The following EOMES variants were observed in gnomAD, a reference collection of about 807,000 sequenced individuals.
EOMES encodes the protein eomesodermin.
Under a neutral mutation model 61.0 loss-of-function variants are expected in EOMES, and 18 were observed. The ratio of observed to expected loss-of-function variants is 0.30; its 90% CI spans 0.20 to 0.44. EOMES has a LOEUF of 0.44. EOMES is among the 20% of genes least tolerant of loss of function. EOMES has a pLI of 1.00. For missense variants in EOMES, 885 were observed against 939.2 expected, an observed-to-expected ratio of 0.94 and a Z score of 0.75; for synonymous variants, 430 against 394.0, an observed-to-expected ratio of 1.09 and a Z score of -1.08.
In EOMES at chr3:27,717,200, C is replaced by T. The variant is rs775584075; in HGVS notation, c.1988G>A (p.Arg663Gln). ...GVYTSACKRRRLSPSNSSNEN... is the reference protein window; with the variant it reads ...GVYTSACKRRQLSPSNSSNEN... The stretch of plus-strand genomic sequence containing the variant: ...ATTACTGGAGTTGCTAGGAGACAGC[C>T]GCCTTCGCTTACAAGCACTGGTGTA... The change falls in exon 6 of 6, where the codon CGG (arginine) becomes CAG (glutamine). Residue 663 changes from arginine to glutamine, a missense_variant. Physicochemically the swap from Arg to Gln is conservative, Grantham distance 43 (BLOSUM62 1). Around this residue, in one of 3 missense-constraint regions of EOMES, gnomAD observed 259 missense variants for 282.3 expected, o/e 0.92. Coordinates refer to ENST00000449599, the MANE Select transcript of EOMES (RefSeq NM_001278182.2). The surrounding 1 kb of genome is among the most constrained non-coding windows in gnomAD (Gnocchi z 4.5). 1.7e-5 allele frequency: 28 copies of T among 1,614,110 alleles called. No individual in the cohort carries two copies. In the Middle Eastern group the frequency reaches 4.9e-4, roughly 29 times the overall value.
rs1190538291 is a variant in EOMES, at chr3:27,716,467, C to T, written c.*603G>A. On this transcript the variant is annotated 3_prime_UTR_variant, in exon 6 of 6. Coordinates refer to ENST00000449599, the MANE Select transcript of EOMES (RefSeq NM_001278182.2). ...AGCACACAGCAGAGGCCTAGCAAGT[C>T]TCAAGTGAGGCAATCCTGGACTAGG... 6.9e-6 allele frequency: 1 copy of T among 145,700 alleles called. No individual in the cohort carries two copies. The highest frequency in any genetic ancestry group is 1.5e-5 in the Non-Finnish European group (1 of 67,958). 9.0% of individuals were successfully genotyped at this position (145,700 alleles called of 1,614,324 possible).
At chr3:27,722,489 C>A, upstream of EOMES, 1 of 1,350,014 alleles carries the variant, frequency 7.4e-7, no homozygotes, top group Non-Finnish European at 9.4e-7. Flanking sequence ...GCGTCCTTTC[C>A]GGAAGGAAAG....
At position 27,720,728 on chromosome 3, in the gene EOMES, G is replaced by C. The variant is rs186320455; in HGVS notation, c.882-403C>G. Among the ~76,000 whole-genome samples the C allele has an allele frequency of 2.6e-5, 4 of 152,192 alleles. No homozygotes were observed. In the East Asian group the frequency reaches 7.7e-4, roughly 29 times the overall value. On this transcript the variant is annotated intron_variant, in intron 1 of 5. Transcript: ENST00000449599. ...GAAAAGTACCAGAGAACAATATTAG[G>C]TTATTCTTGTTAAAAATATATATTA...
Position 27,722,078 on chromosome 3 carries a change from C to G in EOMES, c.217G>C (p.Ala73Pro). 1.3e-6 allele frequency: 2 copies of G among 1,547,868 alleles called. No individual in the cohort carries two copies. Among genetic ancestry groups the G allele is most frequent in the Non-Finnish European group, 1.7e-6 (2 of 1,146,028 alleles). Residue 73 changes from alanine to proline, a missense_variant, in exon 1 of 6, where the codon GCA (alanine) becomes CCA (proline). By Grantham distance (27) the Ala-to-Pro change is conservative. This residue lies in a region of EOMES where 449 missense variants were observed against 383.6 expected (regional missense o/e 1.17). Coordinates refer to ENST00000449599, the MANE Select transcript of EOMES (RefSeq NM_001278182.2). ...AVSGEPAAAS[A>P]GAPAAMLSDT... Reference sequence around the variant, plus strand: ...CTAAGCATGGCCGCGGGGGCCCCTGCGCTGGCGGCTGCGGGCTCCCCGCTC... The same window carrying G: ...CTAAGCATGGCCGCGGGGGCCCCTGGGCTGGCGGCTGCGGGCTCCCCGCTC...
upstream of EOMES, chr3:27,722,499 G>A: frequency 5.9e-6 from 8 of 1,351,616 alleles, no homozygotes; most frequent in South Asian, 1.9e-5. Flanking sequence ...CGGAAGGAAA[G>A]CGCCGTGAGT....
At position 27,717,286 on chromosome 3, in the gene EOMES, G is replaced by A; in HGVS notation, c.1902C>T (p.Gly634=). 6.2e-7 allele frequency: 1 copy of A among 1,614,082 alleles called. No individual in the cohort carries two copies. Among genetic ancestry groups the A allele is most frequent in the Non-Finnish European group, 8.5e-7 (1 of 1,179,942 alleles). ...LSKEKVKEEI[G]SSWIETPPSI... The stretch of plus-strand genomic sequence containing the variant: ...AAGGGGGTGTCTCTATCCAAGAAGA[G>A]CCAATTTCCTCTTTCACTTTCTCCT... Residue 634 remains glycine, a synonymous_variant, in exon 6 of 6, where the codon GGC becomes GGT. Coordinates refer to ENST00000449599, the MANE Select transcript of EOMES (RefSeq NM_001278182.2). The surrounding 1 kb of genome is among the most constrained non-coding windows in gnomAD (Gnocchi z 4.5).
Position 27,717,665 on chromosome 3 carries a change from T to C in EOMES, c.1523A>G (p.Tyr508Cys), listed in dbSNP as rs774755939. The C allele has an allele frequency of 1.9e-6, 3 of 1,614,044 alleles. No homozygotes were observed. In the Admixed American group the frequency reaches 5.0e-5, roughly 27 times the overall value. The change falls in exon 6 of 6, where the codon TAT (tyrosine) becomes TGT (cysteine). Residue 508 changes from tyrosine to cysteine, a missense_variant. Physicochemically the swap from Tyr to Cys is radical, Grantham distance 194 (BLOSUM62 -2). Transcript: ENST00000449599. The surrounding 1 kb of genome is among the most constrained non-coding windows in gnomAD (Gnocchi z 4.5). Reference protein sequence around the residue: ...PFVNTLPQARYYNGERTVPQT... With the variant: ...PFVNTLPQARCYNGERTVPQT... ...TGGCACGGTTCTCTCGCCATTATAA[T>C]AGCGGGCTTGAGGTAAAGTGTTGAC...
At chr3:27,720,531 CAAAAAAAAAAAAAAAAAAAAAAAAAA>C (rs757181277) in intron 1 of EOMES, among the ~76,000 whole-genome samples, 17 of 62,322 alleles carry the variant, frequency 2.7e-4, no homozygotes, top group South Asian at 1.4e-3. Context: ...TCCGTCTTTT[CAAAAAAAAAAAAAAAAAAAAAAAAAA>C]AAAAAAAAAA....
At position 27,721,491 on chromosome 3, in the gene EOMES, G is replaced by A. The variant is rs1329007698; in HGVS notation, c.804C>T (p.His268=). Residue 268 remains histidine, a synonymous_variant, in exon 1 of 6, where the codon CAC becomes CAT. Transcript: ENST00000449599. The surrounding 1 kb of genome is among the most constrained non-coding windows in gnomAD (Gnocchi z 7.4). ...ACAGAGGCCGGTTGCACAGGTAGAC[G>A]TGGGCACGGAAGCCAGAACCTGGAA... ...LGVPGSGFRA[H]VYLCNRPLWL... 6.2e-7 allele frequency: 1 copy of A among 1,613,276 alleles called. No individual in the cohort carries two copies. Among genetic ancestry groups the A allele is most frequent in the South Asian group, 1.1e-5 (1 of 90,942 alleles).
rs1576806496 is a variant in EOMES at position 27,722,004 on chromosome 3, C to T, written c.291G>A (p.Lys97=). 6.7e-7 allele frequency: 1 copy of T among 1,498,434 alleles called. No individual in the cohort carries two copies. The allele number at this position is 1,498,434 out of a possible 1,614,324, so 92.8% of individuals were successfully genotyped here. The part of the protein sequence containing the change: ...DAFASAAAVA[K]PGPPDGRKGS... The stretch of plus-strand genomic sequence containing the variant: ...CCTTGCGGCCGTCCGGGGGCCCCGG[C>T]TTGGCCACTGCCGCAGCGCTGGCAA... The change falls in exon 1 of 6, where the codon AAG becomes AAA. Residue 97 remains lysine (K), a synonymous_variant. Transcript: ENST00000449599.
In EOMES at chr3:27,721,989, G is replaced by C. The variant is rs560692131; in HGVS notation, c.306C>G (p.Asp102Glu). 1 of 1,469,010 alleles carries C rather than the reference G, an allele frequency of 6.8e-7. No homozygotes were observed. The highest frequency in any genetic ancestry group is 9.0e-7 in the Non-Finnish European group (1 of 1,117,260). 91.0% of individuals were successfully genotyped at this position (1,469,010 alleles called of 1,614,324 possible). A position where few individuals can be genotyped will look rare whatever the true frequency, so the allele number is the denominator to read the frequency against. The change falls in exon 1 of 6, where the codon GAC becomes GAG. Residue 102 changes from aspartate (D) to glutamate (E), a missense_variant. Physicochemically the swap from Asp to Glu is conservative, Grantham distance 45 (BLOSUM62 2). Transcript: ENST00000449599. This position sits in a 1 kb window ranked among gnomAD's most constrained non-coding sequence, Gnocchi z 7.4. ...AAAVAKPGPP[D>E]GRKGSPCGEE... ...CCCCGCAGGGGGAGCCCTTGCGGCC[G>C]TCCGGGGGCCCCGGCTTGGCCACTG... is the stretch of plus-strand genomic sequence containing the variant.
chr3:27,718,489 G>T, intron 5 of EOMES, 98 bp downstream of exon 5: 1 of 831,978 alleles, frequency 1.2e-6, no homozygotes, highest in Non-Finnish European at 1.8e-6. Context: ...AATCCCAAAG[G>T]TAAAAGCTCT....
In EOMES at chr3:27,721,925, C is replaced by CGGA; in HGVS notation, c.369_370insTCC (p.Ala123_Ala124insSer). ...GCAGTGGCCGCAGCCGCGGCGGCGG[C>CGGA]GGCGGCGGCGGCTGCAGCGGCGGAG... On this transcript the variant is annotated inframe_insertion, in exon 1 of 6. Coordinates refer to ENST00000449599, the MANE Select transcript of EOMES (RefSeq NM_001278182.2). This position sits in a 1 kb window ranked among gnomAD's most constrained non-coding sequence, Gnocchi z 7.4. The CGGA allele has an allele frequency of 7.3e-7, 1 of 1,361,792 alleles. No homozygotes were observed. Among genetic ancestry groups the CGGA allele is most frequent in the South Asian group, 2.1e-5 (1 of 48,418 alleles). 84.4% of individuals were successfully genotyped at this position (1,361,792 alleles called of 1,614,324 possible). A position where few individuals can be genotyped will look rare whatever the true frequency, so the allele number is the denominator to read the frequency against.
chr3:27,717,918 G>A lies in EOMES; in HGVS notation c.1380-110C>T. ...CTTGTGTTGGTTATCTACACCGAAA[G>A]TGCTGGTCTGTTGGGCTGAAAGAAC... On this transcript the variant is annotated intron_variant, in intron 5 of 5. Transcript: ENST00000449599. The surrounding 1 kb of genome is among the most constrained non-coding windows in gnomAD (Gnocchi z 4.5). 1 of 777,476 alleles carries A rather than the reference G, an allele frequency of 1.3e-6. No homozygotes were observed. The highest frequency in any genetic ancestry group is 2.0e-6 in the Non-Finnish European group (1 of 506,064). 48.2% of individuals were successfully genotyped at this position (777,476 alleles called of 1,614,324 possible).
chr3:27,720,697 C>G (rs1323481710), intron 1 of EOMES, among the ~76,000 whole-genome samples: 1 of 151,998 alleles, frequency 6.6e-6, no homozygotes, highest in Non-Finnish European at 1.5e-5. Context: ...TTAAATGCAC[C>G]ATTTTGAAAA....
Position 27,716,377 on chromosome 3 carries a change from T to TA in EOMES, c.*692_*693insT, listed in dbSNP as rs11375260. The TA allele has an allele frequency of 3.3e-4, 9 of 26,956 alleles. No individual in the cohort carries two copies. Among genetic ancestry groups the TA allele is most frequent in the Non-Finnish European group, 4.8e-4 (9 of 18,708 alleles). 1.7% of individuals were successfully genotyped at this position (26,956 alleles called of 1,614,324 possible). On this transcript the variant is annotated 3_prime_UTR_variant, in exon 6 of 6. Transcript: ENST00000449599. ...CAACTGTACACTTTTAAATTCTCCC[T>TA]TTTTTTTTTTTTTTTTTTTGGTGAC...
chr3:27,720,404 C>G, intron 1 of EOMES, 79 bp from the exon 2 acceptor site: 1 of 1,215,760 alleles, frequency 8.2e-7, no homozygotes, highest in Non-Finnish European at 1.2e-6. Context: ...GCGGGTTCCC[C>G]AGACACCTGG....
In EOMES at chr3:27,721,769, C is replaced by T; in HGVS notation, c.526G>A (p.Val176Met). 2 of 1,498,044 alleles carry T rather than the reference C, an allele frequency of 1.3e-6. No individual in the cohort carries two copies. The highest frequency in any genetic ancestry group is 2.4e-4 in the Middle Eastern group (1 of 4,204). 92.8% of individuals were successfully genotyped at this position (1,498,044 alleles called of 1,614,324 possible). A position where few individuals can be genotyped will look rare whatever the true frequency, so the allele number is the denominator to read the frequency against. ...QAAAGAPHGP[V>M]YPAPNGARYP... The stretch of plus-strand genomic sequence containing the variant: ...CGCGCCCCGTTAGGAGCCGGGTACA[C>T]AGGTCCGTGGGGCGCCCCAGCCGCC... Residue 176 changes from valine to methionine, a missense_variant, in exon 1 of 6, where the codon GTG becomes ATG. By Grantham distance (21) the Val-to-Met change is conservative. Coordinates refer to ENST00000449599, the MANE Select transcript of EOMES (RefSeq NM_001278182.2). This position sits in a 1 kb window ranked among gnomAD's most constrained non-coding sequence, Gnocchi z 7.4.
At chr3:27,720,610 CT>C (rs1294696230) in intron 1 of EOMES, among the ~76,000 whole-genome samples, 6 of 142,364 alleles carry the variant, frequency 4.2e-5, no homozygotes, top group Non-Finnish European at 7.6e-5. Context: ...TTCGCGCGTG[CT>C]TCCGAAGGCT....
Sources: gnomAD v4.1 joint callset for allele counts (sites outside exome capture counted in the v4.1 genomes callset) on GRCh38, gnomAD v4.1.1 for gene constraint, gnomAD v4.1.1 regional missense constraint, Gnocchi (gnomAD v3.1) non-coding constraint, MANE v1.5 for transcripts, NCBI Gene and HGNC (gene_info 2026-07-23, HGNC 2026-07-21) for gene names.